Variants in ROCK1 observed in about 807,000 individuals in gnomAD.
ROCK1 encodes the protein rho-associated protein kinase 1.
Under a neutral mutation model 196.8 loss-of-function variants are expected in ROCK1, and 36 were observed. That is an observed-to-expected ratio of 0.18 (90% CI 0.14 to 0.24). The LOEUF (loss-of-function observed/expected upper bound fraction) is 0.24, where lower values mean the gene tolerates loss of function less well. Ranked by LOEUF, ROCK1 falls within the 10% of genes least tolerant of loss-of-function variation. The pLI is 1.00. For synonymous variants in ROCK1, 443 were observed against 515.9 expected, an observed-to-expected ratio of 0.86 and a Z score of 1.91; for missense variants, 920 against 1,562.0, an observed-to-expected ratio of 0.59 and a Z score of 6.93.
At chr18:21,104,148 C>T (rs143335336) in intron 1 of ROCK1, among the ~76,000 whole-genome samples, 81 of 152,220 alleles carry the variant, frequency 5.3e-4, no homozygotes, top group Non-Finnish European at 8.8e-4. Flanking sequence ...TATCAATTAT[C>T]GTAATAGAAT....
intron 17 of ROCK1, among the ~76,000 whole-genome samples, chr18:20,992,171 C>T (rs1389235485): frequency 3.9e-5 from 6 of 152,156 alleles, no homozygotes; most frequent in Non-Finnish European, 8.8e-5. Flanking sequence ...TCCACATTTA[C>T]ACCAGCTTGG....
At chr18:20,963,124 A>G (rs986651506) in intron 27 of ROCK1, among the ~76,000 whole-genome samples, 4 of 152,108 alleles carry the variant, frequency 2.6e-5, no homozygotes, top group African/African-American at 9.7e-5. Context: ...ATCCTTAATA[A>G]TATTCTACAT....
chr18:21,102,110 C>T (rs1478547038), intron 1 of ROCK1, among the ~76,000 whole-genome samples: 3 of 152,062 alleles, frequency 2.0e-5, no homozygotes, highest in Non-Finnish European at 4.4e-5. Flanking sequence ...ACATTCTTTC[C>T]ACTGTAACTA....
intron 9 of ROCK1, among the ~76,000 whole-genome samples, chr18:21,035,783 T>C (rs1047411387): frequency 6.6e-5 from 10 of 152,194 alleles, no homozygotes; most frequent in Admixed American, 5.2e-4. Context: ...TGAATGAACC[T>C]TGAAGACATT....
At chr18:21,006,817 A>T in intron 14 of ROCK1, 27 bp from the exon 15 acceptor site, 14 of 1,375,112 alleles carry the variant, frequency 1.0e-5, no homozygotes, top group Non-Finnish European at 1.4e-5. Flanking sequence ...TAATATATAG[A>T]AATTACAACA....
chr18:20,996,903 T>G (rs889058029), intron 16 of ROCK1, among the ~76,000 whole-genome samples: 2 of 152,154 alleles, frequency 1.3e-5, no homozygotes, highest in African/African-American at 4.8e-5. Flanking sequence ...TAGAGGATAT[T>G]ATTTGCAAGC....
At chr18:21,032,460 C>T (rs1391862759) in intron 9 of ROCK1, among the ~76,000 whole-genome samples, 1 of 149,256 alleles carries the variant, frequency 6.7e-6, no homozygotes, top group African/African-American at 2.5e-5. Context: ...AATGTATTAG[C>T]TGAGGAATAA....
chr18:20,958,168 T>C (rs1292061263), intron 29 of ROCK1, among the ~76,000 whole-genome samples: 24 of 152,350 alleles, frequency 1.6e-4, no homozygotes, highest in African/African-American at 5.0e-4. Context: ...TGTTTATGTA[T>C]TATTTCGCTT....
chr18:21,107,839 G>A (rs889680386), intron 1 of ROCK1, among the ~76,000 whole-genome samples: 4 of 152,112 alleles, frequency 2.6e-5, no homozygotes, highest in African/African-American at 4.8e-5. Flanking sequence ...GGATTCCTTG[G>A]GGTAAGGAGT....
intron 22 of ROCK1, among the ~76,000 whole-genome samples, chr18:20,975,837 T>A (rs1453803947): frequency 6.6e-6 from 1 of 152,116 alleles, no homozygotes; most frequent in Non-Finnish European, 1.5e-5. Flanking sequence ...GGTCTCAATC[T>A]CCTGATATTG....
rs2035785638 is a variant in ROCK1, at chr18:21,008,285, A to T, written c.1411-91T>A. ...TTTGTTCTTAAAAACAAAAAACAAG[A>T]AAAAAAAAAAGACAAACACTTAAGA... On this transcript the variant is annotated intron_variant, in intron 13 of 32. Coordinates refer to ENST00000399799, the MANE Select transcript of ROCK1 (RefSeq NM_005406.3). The T allele has an allele frequency of 1.7e-5, 9 of 539,790 alleles. No individual in the cohort carries two copies. In the South Asian group the frequency reaches 3.6e-4, roughly 21 times the overall value. The allele number at this position is 539,790 out of a possible 1,614,324, so 33.4% of individuals were successfully genotyped here. A position where few individuals can be genotyped will look rare whatever the true frequency, so the allele number is the denominator to read the frequency against.
At chr18:21,037,541 G>C (rs2036067952) in intron 9 of ROCK1, among the ~76,000 whole-genome samples, 1 of 152,068 alleles carries the variant, frequency 6.6e-6, no homozygotes, top group Non-Finnish European at 1.5e-5. Flanking sequence ...AGGAAGAGGG[G>C]AAGGGAAGCA....
At chr18:21,083,658 T>A (rs1468986063) in intron 1 of ROCK1, among the ~76,000 whole-genome samples, 3 of 152,212 alleles carry the variant, frequency 2.0e-5, no homozygotes, top group Admixed American at 2.0e-4. Context: ...TAATGAACAG[T>A]AAATATATTT....
At chr18:20,999,671 A>C (rs2035705214) in intron 16 of ROCK1, among the ~76,000 whole-genome samples, 1 of 152,214 alleles carries the variant, frequency 6.6e-6, no homozygotes, top group Non-Finnish European at 1.5e-5. Context: ...ATAAATGAAA[A>C]TATATCCTTG....
At chr18:20,984,780 C>T (rs1286368558) in intron 19 of ROCK1, among the ~76,000 whole-genome samples, 1 of 151,970 alleles carries the variant, frequency 6.6e-6, no homozygotes, top group East Asian at 1.9e-4. Context: ...CCTTTCTACC[C>T]CAATCAGCAT....
Position 20,949,563 on chromosome 18 carries a change from A to G in ROCK1, c.*1821T>C, listed in dbSNP as rs1322162725. 1 of 152,260 alleles carries G rather than the reference A, an allele frequency of 6.6e-6. No individual in the cohort carries two copies. The highest frequency in any genetic ancestry group is 1.5e-5 in the Non-Finnish European group (1 of 68,058). The allele number at this position is 152,260 out of a possible 1,614,324, so 9.4% of individuals were successfully genotyped here. On this transcript the variant is annotated 3_prime_UTR_variant, in exon 33 of 33. Transcript: ENST00000399799. ...CTCACAAGGGAGAACTCTATCTTCC[A>G]AGGCTGTTTACTACATAAATATCCT...
At chr18:20,998,597 CTTTTTTTTT>C (rs541265477) in intron 16 of ROCK1, among the ~76,000 whole-genome samples, 2 of 97,324 alleles carry the variant, frequency 2.1e-5, no homozygotes, top group African/African-American at 8.4e-5. Flanking sequence ...TTTTACCAAA[CTTTTTTTTT>C]TTTTTTTTTT....
intron 13 of ROCK1, among the ~76,000 whole-genome samples, chr18:21,014,958 G>A (rs1237334452): frequency 6.6e-6 from 1 of 152,120 alleles, no homozygotes; most frequent in Non-Finnish European, 1.5e-5. Context: ...TTGTTTCTCT[G>A]ATAATAAAAA....
chr18:21,074,657 C>T (rs2036414169), intron 1 of ROCK1, among the ~76,000 whole-genome samples: 1 of 152,132 alleles, frequency 6.6e-6, no homozygotes, highest in Admixed American at 6.5e-5. Context: ...CTCCTTTGTG[C>T]TATTACAGAA....
Sources: allele counts gnomAD v4.1 joint callset (sites outside exome capture counted in the v4.1 genomes callset), GRCh38; gene constraint gnomAD v4.1.1; transcripts MANE v1.5; gene names NCBI Gene and HGNC (gene_info 2026-07-23, HGNC 2026-07-21).